The following CGNL1 variants were observed in gnomAD, a reference collection of about 807,000 sequenced individuals.
CGNL1 encodes cingulin-like protein 1.
CGNL1 carries 132 observed loss-of-function variants against 141.2 expected under a neutral mutation model. That is an observed-to-expected ratio of 0.93 (90% CI 0.81 to 1.08). The LOEUF (loss-of-function observed/expected upper bound fraction) is 1.08, where lower values mean the gene tolerates loss of function less well. Among genes scored for constraint, CGNL1 ranks in the 50% least tolerant of loss-of-function variants. CGNL1 has a pLI of 0.00. For synonymous variants in CGNL1, 690 were observed against 622.1 expected (o/e 1.11, Z -1.63); for missense variants, 1,870 against 1,588.6 (o/e 1.18, Z -3.01).
At position 57,438,242 on chromosome 15, in the gene CGNL1, A is replaced by G. The variant is rs184748613; in HGVS notation, c.243A>G (p.Ile81Met). ...ENGPPFPPPV[I>M]NNLPLHSSNG... Reference sequence around the variant, plus strand: ...GGCCACCCTTTCCACCTCCAGTGATAAATAACCTGCCTCTACATTCCAGCA... The same window carrying G: ...GGCCACCCTTTCCACCTCCAGTGATGAATAACCTGCCTCTACATTCCAGCA... Residue 81 changes from isoleucine to methionine, a missense_variant, in exon 2 of 19, where the codon ATA becomes ATG. By Grantham distance (10) the Ile-to-Met change is conservative. Transcript: ENST00000281282. The G allele has an allele frequency of 6.8e-6, 11 of 1,614,172 alleles. No homozygotes were observed. The highest frequency in any genetic ancestry group is 9.3e-6 in the Non-Finnish European group (11 of 1,180,026).
intron 1 of CGNL1, among the ~76,000 whole-genome samples, chr15:57,378,363 GTTTTTTTTTTTTTTTTTTT>G (rs71116514): frequency 1.9e-3 from 63 of 33,954 alleles, no homozygotes; most frequent in African/African-American, 3.6e-3. Context: ...CCCTCTATGT[GTTTTTTTTTTTTTTTTTTT>G]TTTTTTTTTT....
At chr15:57,515,985 C>T (rs1002065134) in intron 8 of CGNL1, among the ~76,000 whole-genome samples, 1 of 151,692 alleles carries the variant, frequency 6.6e-6, no homozygotes, top group South Asian at 2.1e-4. Flanking sequence ...GGTGAAACCC[C>T]GTCTCTACTA....
intron 1 of CGNL1, among the ~76,000 whole-genome samples, chr15:57,415,814 C>T (rs139685448): frequency 8.9e-4 from 135 of 152,370 alleles, no homozygotes; most frequent in African/African-American, 3.1e-3. Flanking sequence ...AGAAATCCAG[C>T]TGCATGATTA....
intron 8 of CGNL1, among the ~76,000 whole-genome samples, chr15:57,510,686 A>T (rs1303044904): frequency 1.3e-5 from 2 of 152,236 alleles, no homozygotes; most frequent in African/African-American, 4.8e-5. Context: ...CCTTGAAAGC[A>T]GTTCTTCGCA....
At chr15:57,498,185 C>G (rs1434187446) in intron 8 of CGNL1, among the ~76,000 whole-genome samples, 1 of 149,276 alleles carries the variant, frequency 6.7e-6, no homozygotes, top group African/African-American at 2.5e-5. Context: ...AATATATAGT[C>G]TTGTGTTGTG....
At chr15:57,404,823 G>T (rs2062697173) in intron 1 of CGNL1, among the ~76,000 whole-genome samples, 1 of 152,156 alleles carries the variant, frequency 6.6e-6, no homozygotes, top group Non-Finnish European at 1.5e-5. Context: ...AGGGTACTTG[G>T]GAATCAAGTT....
intron 3 of CGNL1, 87 bp downstream of exon 3, chr15:57,440,558 T>G: frequency 9.9e-7 from 1 of 1,008,342 alleles, no homozygotes; most frequent in Non-Finnish European, 1.5e-6. Context: ...AATGGTTACC[T>G]TCCTTTCTTG....
Position 57,512,843 on chromosome 15 carries a change from T to C in CGNL1, c.2404-3937T>C, listed in dbSNP as rs115553944. Among the ~76,000 whole-genome samples, 783 of 152,130 alleles carry C rather than the reference T, an allele frequency of 5.1e-3. 8 individuals are homozygous for C. Among genetic ancestry groups the C allele is most frequent in the African/African-American group, 0.018 (730 of 41,488 alleles). Reference sequence around the variant, plus strand: ...GGGCAGATGGTCTTGAGCCTCTTCTTCCCCTCTCTAACACCTCAGCAAACC... The same window carrying C: ...GGGCAGATGGTCTTGAGCCTCTTCTCCCCCTCTCTAACACCTCAGCAAACC... On this transcript the variant is annotated intron_variant, in intron 8 of 18. Coordinates refer to ENST00000281282, the MANE Select transcript of CGNL1 (RefSeq NM_032866.5).
chr15:57,438,180 G>C lies in CGNL1; in HGVS notation c.181G>C (p.Glu61Gln). 1 of 1,614,138 alleles carries C rather than the reference G, an allele frequency of 6.2e-7. No homozygotes were observed. ...CCCCTATATTGTCCTGAATAACACA[G>C]AACGGTGCCTAGCAGGCACATCGTT... The part of the protein sequence containing the change: ...GHPYIVLNNT[E>Q]RCLAGTSFSE... Residue 61 changes from glutamate (E) to glutamine (Q), a missense_variant, in exon 2 of 19, where the codon GAA (glutamate) becomes CAA (glutamine). By Grantham distance (29) the Glu-to-Gln change is conservative (BLOSUM62 2). Transcript: ENST00000281282.
At chr15:57,430,807 C>T (rs1233456871) in intron 1 of CGNL1, among the ~76,000 whole-genome samples, 1 of 152,166 alleles carries the variant, frequency 6.6e-6, no homozygotes, top group African/African-American at 2.4e-5. Flanking sequence ...GCAACCTCCA[C>T]CCCCAGGGTT....
At chr15:57,495,766 C>T (rs1404464156) in intron 8 of CGNL1, among the ~76,000 whole-genome samples, 3 of 152,150 alleles carry the variant, frequency 2.0e-5, no homozygotes, top group African/African-American at 7.2e-5. Context: ...GTGACCAGCC[C>T]TATTTTCCCT....
chr15:57,470,256 CTTT>C (rs60982599), intron 8 of CGNL1, among the ~76,000 whole-genome samples: 35 of 113,976 alleles, frequency 3.1e-4, no homozygotes, highest in Admixed American at 6.0e-4. Context: ...TTTTGTCTCT[CTTT>C]TTTTTTTTTT....
intron 18 of CGNL1, among the ~76,000 whole-genome samples, chr15:57,546,782 A>T (rs2032892838): frequency 6.6e-6 from 1 of 152,072 alleles, no homozygotes; most frequent in African/African-American, 2.4e-5. Flanking sequence ...GGTAAGGTTC[A>T]TGAGATTAGG....
intron 1 of CGNL1, among the ~76,000 whole-genome samples, chr15:57,409,376 A>G (rs2062760616): frequency 6.6e-6 from 1 of 152,220 alleles, no homozygotes; most frequent in South Asian, 2.1e-4. Flanking sequence ...TGAAAGCAAA[A>G]GAAGAAACAA....
intron 1 of CGNL1, among the ~76,000 whole-genome samples, chr15:57,420,754 G>C (rs2152282231): frequency 6.6e-6 from 1 of 152,208 alleles, no homozygotes; most frequent in East Asian, 1.9e-4. Context: ...ATTCTTTTTA[G>C]TCTGATGACT....
chr15:57,543,804 G>GCC, intron 15 of CGNL1, 25 bp downstream of exon 15: 2 of 1,579,412 alleles, frequency 1.3e-6, no homozygotes, highest in Non-Finnish European at 8.7e-7. Flanking sequence ...CCTGTGAGCT[G>GCC]CCCCCCCGTC....
At chr15:57,479,755 T>G (rs2063702609) in intron 8 of CGNL1, among the ~76,000 whole-genome samples, 1 of 151,400 alleles carries the variant, frequency 6.6e-6, no homozygotes, top group Non-Finnish European at 1.5e-5. Context: ...GGCAGAGCAG[T>G]TTGAAGTATG....
In CGNL1 at chr15:57,546,340, C is replaced by T. The variant is rs1361555136; in HGVS notation, c.3773+101C>T. ...ACACTCCTGTTGTCTCAAGCCAGCT[C>T]CTCATTGTTGCTTTTGGGGTTATCG... On this transcript the variant is annotated intron_variant, in intron 18 of 18. Coordinates refer to ENST00000281282, the MANE Select transcript of CGNL1 (RefSeq NM_032866.5). 4.4e-6 allele frequency: 6 copies of T among 1,357,050 alleles called. No homozygotes were observed. In the African/African-American group the frequency reaches 8.8e-5, roughly 20 times the overall value. 84.1% of individuals were successfully genotyped at this position (1,357,050 alleles called of 1,614,324 possible).
At position 57,437,917 on chromosome 15, in the gene CGNL1, TCA is replaced by T. The variant is rs1179242021; in HGVS notation, c.-15-67_-15-66del. 1.8e-5 allele frequency: 24 copies of T among 1,349,874 alleles called. No individual in the cohort carries two copies. In the African/African-American group the frequency reaches 2.8e-4, roughly 16 times the overall value. 83.6% of individuals were successfully genotyped at this position (1,349,874 alleles called of 1,614,324 possible). ...TTGAAGTTTCCCCTTCCTAATTATT[TCA>T]GTCTTCATTTAAACAGATGTAATTC... is the stretch of plus-strand genomic sequence containing the variant. On this transcript the variant is annotated intron_variant, in intron 1 of 18. Transcript: ENST00000281282.
Sources: allele counts gnomAD v4.1 joint callset (sites outside exome capture counted in the v4.1 genomes callset), GRCh38; gene constraint gnomAD v4.1.1; transcripts MANE v1.5; gene names NCBI Gene and HGNC (gene_info 2026-07-23, HGNC 2026-07-21).